Variants in OSBPL10 observed in about 807,000 individuals in gnomAD.
OSBPL10 encodes the protein oxysterol binding protein like 10.
Under a neutral mutation model 81.7 loss-of-function variants are expected in OSBPL10, and 49 were observed. The observed-to-expected ratio is 0.60, with a 90% CI of 0.48 to 0.76. The LOEUF is 0.76. OSBPL10 is among the 30% of genes least tolerant of loss of function. OSBPL10 has a pLI of 0.00. For synonymous variants in OSBPL10, 419 were observed against 383.6 expected (o/e 1.09, Z -1.08); for missense variants, 923 against 987.8 (o/e 0.93, Z 0.88).
intron 6 of OSBPL10, chr3:31,703,884 T>C (rs891838817): frequency 6.6e-6 from 1 of 152,218 alleles, no homozygotes. Flanking sequence ...ATGGGTATTA[T>C]CTGACGTCAT....
At position 31,965,859 on chromosome 3, in the gene OSBPL10, A is replaced by G. The variant is rs1255753013; in HGVS notation, c.281+15040T>C. On this transcript the variant is annotated intron_variant, in intron 1 of 11. Coordinates refer to ENST00000396556, the MANE Select transcript of OSBPL10 (RefSeq NM_017784.5). ...AATATATATTATATAAAAAGATAATATATAATACATATTATATAAAATAGA... is the reference window on the plus strand; with the variant it reads ...AATATATATTATATAAAAAGATAATGTATAATACATATTATATAAAATAGA... 3.0e-5 allele frequency among the ~76,000 whole-genome samples: 3 copies of G among 100,366 alleles called. 1 individual carries two copies. The highest frequency in any genetic ancestry group is 5.2e-5 in the Non-Finnish European group (3 of 57,190). The allele number at this position is 100,366 out of a possible 152,430, so 65.8% of individuals were successfully genotyped here.
intron 5 of OSBPL10, among the ~76,000 whole-genome samples, chr3:31,742,449 C>G (rs1697382383): frequency 6.6e-6 from 1 of 152,100 alleles, no homozygotes; most frequent in Non-Finnish European, 1.5e-5. Context: ...AAATTCTGCT[C>G]TGGTTCTTCT....
rs897034541 is a variant in OSBPL10 at position 31,809,529 on chromosome 3, A to C, written c.729+20511T>G. Among the ~76,000 whole-genome samples, 7 of 152,230 alleles carry C rather than the reference A, an allele frequency of 4.6e-5. 1 individual carries two copies. The highest frequency in any genetic ancestry group is 2.6e-4 in the Admixed American group (4 of 15,280). ...ATAAATTTAATGCACTCCGAATAAAAGTGCCAGTAGGGTGGTGGTGGACAC... is the reference window on the plus strand; with the variant it reads ...ATAAATTTAATGCACTCCGAATAAACGTGCCAGTAGGGTGGTGGTGGACAC... On this transcript the variant is annotated intron_variant, in intron 4 of 11. Coordinates refer to ENST00000396556, the MANE Select transcript of OSBPL10 (RefSeq NM_017784.5).
intron 2 of OSBPL10, among the ~76,000 whole-genome samples, chr3:32,034,558 CAGA>C (rs1699501145): frequency 6.6e-6 from 1 of 151,830 alleles, no homozygotes; most frequent in African/African-American, 2.4e-5. Context: ...GGCTCCAGAA[CAGA>C]AGAAGAATCA....
intron 2 of OSBPL10, among the ~76,000 whole-genome samples, chr3:32,040,233 CCT>C (rs1472449566): frequency 6.6e-6 from 1 of 151,966 alleles, no homozygotes; most frequent in African/African-American, 2.4e-5. Flanking sequence ...ATGGTGAACC[CCT>C]GTCTCTACTA....
intron 3 of OSBPL10, among the ~76,000 whole-genome samples, chr3:31,839,759 T>C (rs1284545031): frequency 6.6e-6 from 1 of 151,154 alleles, no homozygotes; most frequent in African/African-American, 2.4e-5. Flanking sequence ...TAGAGCAATA[T>C]GGAGTTGAGG....
chr3:32,007,969 T>G (rs1474416075), intron 2 of OSBPL10, among the ~76,000 whole-genome samples: 6 of 152,122 alleles, frequency 3.9e-5, no homozygotes, highest in African/African-American at 1.2e-4. Context: ...CCTCCCAAAG[T>G]GCTGGGATTA....
chr3:32,016,024 G>A (rs568643650), intron 2 of OSBPL10, among the ~76,000 whole-genome samples: 1 of 152,294 alleles, frequency 6.6e-6, no homozygotes, highest in African/African-American at 2.4e-5. Context: ...CAACCATTGT[G>A]GAAGTCAGTG....
At chr3:31,722,816 G>A (rs1696688768) in intron 6 of OSBPL10, among the ~76,000 whole-genome samples, 1 of 152,250 alleles carries the variant, frequency 6.6e-6, no homozygotes, top group African/African-American at 2.4e-5. Flanking sequence ...AACTCATAAT[G>A]TGGGCTAAAT....
At chr3:31,688,281 T>TCACACACACACACACA (rs1380099717) in intron 7 of OSBPL10, among the ~76,000 whole-genome samples, 4 of 113,910 alleles carry the variant, frequency 3.5e-5, no homozygotes, top group East Asian at 7.6e-4. Flanking sequence ...TCTCTCTCTC[T>TCACACACACACACACA]CTCACACACA....
At chr3:31,754,150 C>T (rs1041712353) in intron 4 of OSBPL10, among the ~76,000 whole-genome samples, 8 of 88,952 alleles carry the variant, frequency 9.0e-5, no homozygotes, top group East Asian at 3.2e-4. Flanking sequence ...ACAACATACA[C>T]CTAAAATGAT....
chr3:31,976,466 C>T (rs1259405592), intron 1 of OSBPL10, among the ~76,000 whole-genome samples: 1 of 152,132 alleles, frequency 6.6e-6, no homozygotes, highest in African/African-American at 2.4e-5. Flanking sequence ...TAAATGTCTA[C>T]TTTAGAGACA....
intron 1 of OSBPL10, among the ~76,000 whole-genome samples, chr3:31,962,990 T>C (rs1698209186): frequency 1.3e-5 from 2 of 152,142 alleles, no homozygotes; most frequent in Non-Finnish European, 2.9e-5. Context: ...TTACAGGAAG[T>C]GGTGTGACTC....
intron 3 of OSBPL10, among the ~76,000 whole-genome samples, chr3:31,874,302 T>G (rs1559500816): frequency 1.3e-5 from 2 of 152,114 alleles, no homozygotes; most frequent in Admixed American, 6.5e-5. Context: ...AAGAATATTT[T>G]CATAATTTTG....
intron 4 of OSBPL10, among the ~76,000 whole-genome samples, chr3:31,809,659 A>C (rs1351682437): frequency 1.3e-5 from 2 of 152,214 alleles, no homozygotes; most frequent in Admixed American, 1.3e-4. Context: ...CCAGACACTA[A>C]AGTATATTCT....
chr3:31,697,813 A>G (rs975291382), intron 7 of OSBPL10, among the ~76,000 whole-genome samples: 1 of 151,508 alleles, frequency 6.6e-6, no homozygotes, highest in African/African-American at 2.4e-5. Flanking sequence ...CCCAGGCTGG[A>G]GTGCAATGGA....
intron 4 of OSBPL10, among the ~76,000 whole-genome samples, chr3:31,779,591 A>G (rs1698634441): frequency 1.3e-5 from 2 of 150,960 alleles, no homozygotes; most frequent in African/African-American, 5.0e-5. Context: ...ATTAGATAGC[A>G]ATACAATCAT....
chr3:32,017,640 A>C (rs1370423402), intron 2 of OSBPL10, among the ~76,000 whole-genome samples: 1 of 152,198 alleles, frequency 6.6e-6, no homozygotes, highest in Non-Finnish European at 1.5e-5. Context: ...CGGAAAGTAC[A>C]CTAAACTGGA....
intron 2 of OSBPL10, among the ~76,000 whole-genome samples, chr3:32,004,713 A>G (rs1699186679): frequency 1.3e-5 from 2 of 152,330 alleles, no homozygotes; most frequent in African/African-American, 4.8e-5. Context: ...AGAGAAGAAA[A>G]CATGGGCTGC....
Sources: gnomAD v4.1 joint callset for allele counts (sites outside exome capture counted in the v4.1 genomes callset) on GRCh38, gnomAD v4.1.1 for gene constraint, MANE v1.5 for transcripts, NCBI Gene and HGNC (gene_info 2026-07-23, HGNC 2026-07-21) for gene names.